Variants in FERRY3 observed in about 807,000 individuals in gnomAD.
FERRY3 encodes the protein protein C12orf4.
chr12:4,499,990 A>G, the FERRY3 span: 2 of 695,368 alleles, frequency 2.9e-6, no homozygotes, highest in South Asian at 1.9e-5. Context: ...TTTGTATTAT[A>G]TTTCACTCGA....
chr12:4,527,521 G>T, the FERRY3 span, among the ~76,000 whole-genome samples: 1 of 152,002 alleles, frequency 6.6e-6, no homozygotes, highest in Non-Finnish European at 1.5e-5. Flanking sequence ...ATGCTGTGCC[G>T]AGAAACTGTC....
the FERRY3 span, among the ~76,000 whole-genome samples, chr12:4,492,596 C>T: frequency 6.6e-6 from 1 of 152,168 alleles, no homozygotes; most frequent in East Asian, 1.9e-4. Context: ...CACTCCTTTT[C>T]TTCATGACAT....
chr12:4,519,506 T>C, the FERRY3 span, among the ~76,000 whole-genome samples: 4 of 152,216 alleles, frequency 2.6e-5, no homozygotes, highest in Admixed American at 6.5e-5. The surrounding 1 kb of genome is among the most constrained non-coding windows in gnomAD (Gnocchi z 4.3). Flanking sequence ...CAGTGGTATA[T>C]GCTGAGGATG....
the FERRY3 span, chr12:4,536,126 A>C: frequency 4.2e-5 from 68 of 1,605,678 alleles, no homozygotes; most frequent in Middle Eastern, 3.1e-3. Context: ...CTAAGCACTG[A>C]CTTCCTACTT....
the FERRY3 span, among the ~76,000 whole-genome samples, chr12:4,509,557 G>A: frequency 7.4e-5 from 11 of 148,916 alleles, 1 homozygote; most frequent in Middle Eastern, 3.4e-3. Context: ...ATCTGAGAAC[G>A]GGCAGACTGC....
At chr12:4,490,394 C>A in the FERRY3 span, 1 of 649,404 alleles carries the variant, frequency 1.5e-6, no homozygotes, top group Non-Finnish European at 2.5e-6. Context: ...TACTTCTCTC[C>A]TTAAAAAACA....
chr12:4,534,897 T>C, the FERRY3 span, among the ~76,000 whole-genome samples: 139 of 152,324 alleles, frequency 9.1e-4, no homozygotes, highest in Middle Eastern at 3.4e-3. Flanking sequence ...TTCTTAAGCC[T>C]GATATTTCAG....
chr12:4,518,326 T>A, the FERRY3 span: 1 of 1,352,634 alleles, frequency 7.4e-7, no homozygotes, highest in Non-Finnish European at 1.0e-6. Flanking sequence ...AAGATGCAAA[T>A]CTCTATGGCA....
the FERRY3 span, among the ~76,000 whole-genome samples, chr12:4,528,896 TACACACACAC>T: frequency 6.0e-3 from 785 of 131,612 alleles, 4 homozygotes; most frequent in African/African-American, 0.021. Context: ...TTAAATCAGT[TACACACACAC>T]ACACACACAC....
chr12:4,516,931 T>TA, the FERRY3 span: 27 of 939,800 alleles, frequency 2.9e-5, no homozygotes, highest in East Asian at 7.0e-4. Context: ...AGAAAAAACT[T>TA]AAAAAAATCT....
the FERRY3 span, among the ~76,000 whole-genome samples, chr12:4,511,323 C>A: frequency 6.6e-6 from 1 of 151,056 alleles, no homozygotes; most frequent in African/African-American, 2.5e-5. Flanking sequence ...CAACATTAGA[C>A]AGATCAACGA....
the FERRY3 span, chr12:4,518,678 C>A: frequency 1.7e-4 from 139 of 798,884 alleles, 1 homozygote; most frequent in South Asian, 1.9e-3. Flanking sequence ...GGCAACATAG[C>A]GAAACCTTTT....
chr12:4,492,400 A>G, the FERRY3 span, among the ~76,000 whole-genome samples: 1 of 152,214 alleles, frequency 6.6e-6, no homozygotes, highest in African/African-American at 2.4e-5. Context: ...GAATAAGAAT[A>G]AAAAGGCAAA....
chr12:4,524,189 A>C, the FERRY3 span, among the ~76,000 whole-genome samples: 1 of 152,122 alleles, frequency 6.6e-6, no homozygotes, highest in Non-Finnish European at 1.5e-5. Context: ...TATATTTTAC[A>C]TTTTGGCTCA....
the FERRY3 span, among the ~76,000 whole-genome samples, chr12:4,533,749 T>A: frequency 7.9e-5 from 12 of 152,238 alleles, no homozygotes; most frequent in Admixed American, 7.9e-4. Flanking sequence ...GGTTGCCAGA[T>A]AAAACACAGA....
chr12:4,506,225 T>G, the FERRY3 span, among the ~76,000 whole-genome samples: 1 of 152,184 alleles, frequency 6.6e-6, no homozygotes, highest in Non-Finnish European at 1.5e-5. Context: ...GATTGCATAT[T>G]TATTCCAATT....
At chr12:4,520,323 A>G in the FERRY3 span, among the ~76,000 whole-genome samples, 3 of 152,224 alleles carry the variant, frequency 2.0e-5, no homozygotes, top group Non-Finnish European at 4.4e-5. Flanking sequence ...GGCTTGACCA[A>G]ACCGGGAGTG....
the FERRY3 span, among the ~76,000 whole-genome samples, chr12:4,521,806 A>G: frequency 6.6e-6 from 1 of 152,198 alleles, no homozygotes; most frequent in Non-Finnish European, 1.5e-5. Flanking sequence ...ATCATGACCT[A>G]TATGTGAAAC....
the FERRY3 span, among the ~76,000 whole-genome samples, chr12:4,515,590 C>T: frequency 6.6e-6 from 1 of 151,936 alleles, no homozygotes; most frequent in African/African-American, 2.4e-5. Context: ...CTCACTTATA[C>T]ATGGAACCTA....
Sources: gnomAD v4.1 joint callset for allele counts (sites outside exome capture counted in the v4.1 genomes callset) on GRCh38, gnomAD v4.1.1 for gene constraint, Gnocchi (gnomAD v3.1) non-coding constraint, MANE v1.5 for transcripts, NCBI Gene and HGNC (gene_info 2026-07-23, HGNC 2026-07-21) for gene names.